CFAP418: variants seen among roughly 807,000 people sequenced by gnomAD.
CFAP418 encodes the protein cilia- and flagella-associated protein 418.
In CFAP418, 27 loss-of-function variants were observed where a neutral mutation model predicts 24.7. The ratio of observed to expected loss-of-function variants is 1.09; its 90% CI spans 0.81 to 1.51. The LOEUF is 1.51. Ranked by LOEUF, CFAP418 falls within the 40% of genes most tolerant of loss-of-function variation. The pLI, the probability that CFAP418 is intolerant of heterozygous loss-of-function variation, is 0.00. For synonymous variants in CFAP418, 74 were observed against 87.3 expected (o/e 0.85, Z 0.85); for missense variants, 257 against 255.2 (o/e 1.01, Z -0.05).
rs1463967926 is a variant in CFAP418, at chr8:95,245,326, GGAACTCACAC to G, written c.*2281_*2290del. The G allele has an allele frequency of 6.6e-6, 1 of 151,922 alleles. No homozygotes were observed. The highest frequency in any genetic ancestry group is 1.5e-5 in the Non-Finnish European group (1 of 67,972). 9.4% of individuals were successfully genotyped at this position (151,922 alleles called of 1,614,324 possible). A position where few individuals can be genotyped will look rare whatever the true frequency, so the allele number is the denominator to read the frequency against. On this transcript the variant is annotated 3_prime_UTR_variant, in exon 6 of 6. Coordinates refer to ENST00000286688, the MANE Select transcript of CFAP418 (RefSeq NM_177965.4). The stretch of plus-strand genomic sequence containing the variant: ...AGCTTATAAATTGCCAATAAACATG[GGAACTCACAC>G]ATACATTTCTGACATTGGGGGATTA...
rs569009714 is a variant in CFAP418 at position 95,247,346 on chromosome 8, A to C, written c.*271T>G. 3.6e-5 allele frequency: 15 copies of C among 414,796 alleles called. No individual in the cohort carries two copies. Among genetic ancestry groups the C allele is most frequent in the Middle Eastern group, 1.3e-3 (2 of 1,532 alleles). 25.7% of individuals were successfully genotyped at this position (414,796 alleles called of 1,614,324 possible). A position where few individuals can be genotyped will look rare whatever the true frequency, so the allele number is the denominator to read the frequency against. ...GATATTTGTATGGAACTCCATAATC[A>C]AACCTCTATTAAACAGAAGACAGAT... On this transcript the variant is annotated 3_prime_UTR_variant, in exon 6 of 6. Coordinates refer to ENST00000286688, the MANE Select transcript of CFAP418 (RefSeq NM_177965.4).
At chr8:95,268,322 G>C (rs906936663) in intron 1 of CFAP418, among the ~76,000 whole-genome samples, 25 of 151,942 alleles carry the variant, frequency 1.6e-4, no homozygotes, top group African/African-American at 6.0e-4. Context: ...TGTAATCCCA[G>C]TTTACGTAAT....
At chr8:95,249,096 G>GA (rs1811670525) in intron 5 of CFAP418, among the ~76,000 whole-genome samples, 1 of 152,092 alleles carries the variant, frequency 6.6e-6, no homozygotes, top group Non-Finnish European at 1.5e-5. Context: ...AGTTGTTGAG[G>GA]AAAAATGTCC....
At position 95,245,338 on chromosome 8, in the gene CFAP418, T is replaced by C. The variant is rs1175760306; in HGVS notation, c.*2279A>G. The C allele has an allele frequency of 6.6e-6, 1 of 152,180 alleles. No homozygotes were observed. The highest frequency in any genetic ancestry group is 2.4e-5 in the African/African-American group (1 of 41,432). 9.4% of individuals were successfully genotyped at this position (152,180 alleles called of 1,614,324 possible). On this transcript the variant is annotated 3_prime_UTR_variant, in exon 6 of 6. Transcript: ENST00000286688. ...GCCAATAAACATGGGAACTCACACA[T>C]ACATTTCTGACATTGGGGGATTATT... is the stretch of plus-strand genomic sequence containing the variant.
intron 2 of CFAP418, among the ~76,000 whole-genome samples, chr8:95,262,089 C>A (rs1811902177): frequency 6.6e-6 from 1 of 152,234 alleles, no homozygotes; most frequent in South Asian, 2.1e-4. Context: ...AAACAAGGAT[C>A]AAAAATACAG....
chr8:95,250,617 GAA>G (rs1268283324), intron 5 of CFAP418, among the ~76,000 whole-genome samples: 1 of 152,158 alleles, frequency 6.6e-6, no homozygotes. Flanking sequence ...AGAGGGTTTA[GAA>G]AAGTCAGAAA....
chr8:95,262,137 A>G (rs549707000), intron 2 of CFAP418, among the ~76,000 whole-genome samples: 2 of 152,306 alleles, frequency 1.3e-5, no homozygotes, highest in East Asian at 3.9e-4. Flanking sequence ...CAGAGGGCCA[A>G]CTTTTCATAA....
In CFAP418 at chr8:95,268,749, T is replaced by C. The variant is rs535423416; in HGVS notation, c.155+286A>G. On this transcript the variant is annotated intron_variant, in intron 1 of 5. Coordinates refer to ENST00000286688, the MANE Select transcript of CFAP418 (RefSeq NM_177965.4). Reference sequence around the variant, plus strand: ...GGAGACTGGCGCGGACTGCGGGCTCTGCGGGCGGGGCGGGGCGGGGCGGGG... The same window carrying C: ...GGAGACTGGCGCGGACTGCGGGCTCCGCGGGCGGGGCGGGGCGGGGCGGGG... 126 of 112,796 alleles carry C rather than the reference T, an allele frequency of 1.1e-3. 2 individuals carry two copies. The highest frequency in any genetic ancestry group is 8.3e-3 in the African/African-American group (119 of 14,398). The allele number at this position is 112,796 out of a possible 1,614,324, so 7.0% of individuals were successfully genotyped here. A position where few individuals can be genotyped will look rare whatever the true frequency, so the allele number is the denominator to read the frequency against.
intron 1 of CFAP418, among the ~76,000 whole-genome samples, chr8:95,264,737 C>T (rs1400718279): frequency 6.6e-6 from 1 of 152,134 alleles, no homozygotes; most frequent in African/African-American, 2.4e-5. Context: ...TTAACATAGG[C>T]CTTCTTCATT....
intron 4 of CFAP418, among the ~76,000 whole-genome samples, chr8:95,257,200 C>T (rs1221118160): frequency 6.6e-6 from 1 of 152,150 alleles, no homozygotes; most frequent in Non-Finnish European, 1.5e-5. Flanking sequence ...ATGACGGAGA[C>T]AAGTCCCAAC....
In CFAP418 at chr8:95,260,540, A is replaced by G. The variant is rs1216160776; in HGVS notation, c.244-8T>C. 6.4e-7 allele frequency: 1 copy of G among 1,571,082 alleles called. No homozygotes were observed. Among genetic ancestry groups the G allele is most frequent in the Non-Finnish European group, 8.6e-7 (1 of 1,160,024 alleles). On this transcript the variant is annotated splice_polypyrimidine_tract_variant and splice_region_variant and intron_variant, in intron 2 of 5. Transcript: ENST00000286688. ...AGATTTAGATTTTAATTTCTGTTAAAAAAGCAAAACAATAAAAGGCCATGA... is the reference window on the plus strand; with the variant it reads ...AGATTTAGATTTTAATTTCTGTTAAGAAAGCAAAACAATAAAAGGCCATGA...
At chr8:95,248,279 C>T (rs1811657686) in intron 5 of CFAP418, among the ~76,000 whole-genome samples, 1 of 152,118 alleles carries the variant, frequency 6.6e-6, no homozygotes, top group Non-Finnish European at 1.5e-5. Flanking sequence ...TCCTCTAGGC[C>T]AGTTTATTGA....
chr8:95,257,511 T>C (rs1811811242), intron 4 of CFAP418, among the ~76,000 whole-genome samples: 1 of 152,192 alleles, frequency 6.6e-6, no homozygotes, highest in Non-Finnish European at 1.5e-5. Context: ...ACAATGTTTT[T>C]TTTAACTCCC....
chr8:95,262,874 G>A (rs1286318302), intron 2 of CFAP418, among the ~76,000 whole-genome samples: 1 of 152,266 alleles, frequency 6.6e-6, no homozygotes, highest in East Asian at 1.9e-4. Flanking sequence ...AAAGGTATCT[G>A]ATGAAGCACT....
chr8:95,261,041 G>C (rs1482914004), intron 2 of CFAP418, among the ~76,000 whole-genome samples: 1 of 152,134 alleles, frequency 6.6e-6, no homozygotes, highest in East Asian at 1.9e-4. Context: ...GGAAAATGTA[G>C]AACTACCTAG....
chr8:95,257,897 G>A (rs983338167), intron 4 of CFAP418, among the ~76,000 whole-genome samples: 1 of 152,030 alleles, frequency 6.6e-6, no homozygotes, highest in African/African-American at 2.4e-5. Context: ...CAGGTCCTTC[G>A]GGAGGTATTT....
chr8:95,255,095 T>C (rs535254519), intron 4 of CFAP418, among the ~76,000 whole-genome samples: 1 of 152,284 alleles, frequency 6.6e-6, no homozygotes, highest in African/African-American at 2.4e-5. Context: ...CTGTGTCCTT[T>C]CCTGTCTTGC....
At chr8:95,266,488 G>A (rs1349017351) in intron 1 of CFAP418, among the ~76,000 whole-genome samples, 1 of 152,050 alleles carries the variant, frequency 6.6e-6, no homozygotes, top group East Asian at 1.9e-4. Flanking sequence ...ATTTTAAGAG[G>A]TAATATTAGT....
intron 5 of CFAP418, among the ~76,000 whole-genome samples, chr8:95,251,098 G>A (rs1364372339): frequency 6.6e-6 from 1 of 152,152 alleles, no homozygotes; most frequent in Admixed American, 6.5e-5. Flanking sequence ...TATTCTGTAA[G>A]TGTATAAGAA....
Sources: allele counts gnomAD v4.1 joint callset (sites outside exome capture counted in the v4.1 genomes callset), GRCh38; gene constraint gnomAD v4.1.1; transcripts MANE v1.5; gene names NCBI Gene and HGNC (gene_info 2026-07-23, HGNC 2026-07-21).